CEP128: variants seen among roughly 807,000 people sequenced by gnomAD.
The protein encoded by CEP128 is centrosomal protein 128kDa.
CEP128 carries 132 observed loss-of-function variants against 156.7 expected under a neutral mutation model. The observed-to-expected ratio is 0.84, with a 90% CI of 0.73 to 0.97. The LOEUF is 0.97. Among genes scored for constraint, CEP128 ranks in the 50% least tolerant of loss-of-function variants. CEP128 has a pLI of 0.00. For missense variants in CEP128, 1,252 were observed against 1,281.9 expected (o/e 0.98, Z 0.36); for synonymous variants, 469 against 448.9 (o/e 1.04, Z -0.57).
chr14:80,727,343 G>A (rs1200493553), intron 19 of CEP128, among the ~76,000 whole-genome samples: 1 of 152,020 alleles, frequency 6.6e-6, no homozygotes, highest in Admixed American at 6.6e-5. Context: ...AAGCCTCAGG[G>A]GAAGCTTAGA....
Position 80,678,049 on chromosome 14 carries a change from A to AAAAATATATATATATAT in CEP128, c.2806+65025_2806+65026insATATATATATATATTTT. On this transcript the variant is annotated intron_variant, in intron 19 of 24. Coordinates refer to ENST00000555265, the MANE Select transcript of CEP128 (RefSeq NM_152446.5). Reference sequence around the variant, plus strand: ...ATGGACAGTTGCTCTATAAAAAAAAAATATATATATATATGTATATATATA... The same window carrying AAAAATATATATATATAT: ...ATGGACAGTTGCTCTATAAAAAAAAAAAAATATATATATATATATATATATATATATGTATATATATA... Among the ~76,000 whole-genome samples the AAAAATATATATATATAT allele has an allele frequency of 5.2e-3, 514 of 98,476 alleles. 7 individuals carry two copies. The highest frequency in any genetic ancestry group is 0.015 in the African/African-American group (488 of 31,744). The allele number at this position is 98,476 out of a possible 152,430, so 64.6% of individuals were successfully genotyped here. A position where few individuals can be genotyped will look rare whatever the true frequency, so the allele number is the denominator to read the frequency against.
In CEP128 at chr14:80,916,488, C is replaced by G; in HGVS notation, c.60G>C (p.Trp20Cys). The G allele has an allele frequency of 1.2e-6, 2 of 1,613,948 alleles. No individual in the cohort carries two copies. Among genetic ancestry groups the G allele is most frequent in the Non-Finnish European group, 1.7e-6 (2 of 1,179,894 alleles). Residue 20 changes from tryptophan (W) to cysteine (C), a missense_variant, in exon 3 of 25, where the codon TGG becomes TGC. Transcript: ENST00000555265. ...TTCCCCTGTGCGTTGATCTGGCAGC[C>G]CATGGACTCAATCGGTCACGACAGC... ...HFRCRDRLSP[W>C]AARSTHRGTR...
rs1886184245 is a variant in CEP128 at position 80,838,257 on chromosome 14, A to C, written c.871T>G (p.Ser291Ala). ...KNQLEQELEL[S>A]RRLLNQSEGS... Reference sequence around the variant, plus strand: ...TCTGATTGATTCAATAACCTTCGAGATAGCTCCAATTCCTGTTCAAGCTAG... The same window carrying C: ...TCTGATTGATTCAATAACCTTCGAGCTAGCTCCAATTCCTGTTCAAGCTAG... Residue 291 changes from serine (S) to alanine (A), a missense_variant, in exon 11 of 25, where the codon TCT becomes GCT. Transcript: ENST00000555265. 6.2e-7 allele frequency: 1 copy of C among 1,613,390 alleles called. No homozygotes were observed. The highest frequency in any genetic ancestry group is 1.1e-5 in the South Asian group (1 of 91,074).
chr14:80,950,049 G>T (rs1439692406), intron 2 of CEP128, among the ~76,000 whole-genome samples: 1 of 152,160 alleles, frequency 6.6e-6, no homozygotes, highest in Non-Finnish European at 1.5e-5. Flanking sequence ...GGTTATAATG[G>T]ATTAGCATGG....
intron 13 of CEP128, among the ~76,000 whole-genome samples, chr14:80,794,210 G>A (rs1044276333): frequency 1.3e-5 from 2 of 152,150 alleles, no homozygotes; most frequent in African/African-American, 4.8e-5. Flanking sequence ...CATTTACCAA[G>A]CTCCTTTGGC....
chr14:80,904,173 A>T (rs1029781247), intron 6 of CEP128, among the ~76,000 whole-genome samples: 1 of 152,168 alleles, frequency 6.6e-6, no homozygotes, highest in African/African-American at 2.4e-5. Flanking sequence ...AAAGGGAGAA[A>T]TCCTGTCATT....
chr14:80,542,842 T>C (rs531603593), intron 21 of CEP128, among the ~76,000 whole-genome samples: 38 of 152,306 alleles, frequency 2.5e-4, no homozygotes, highest in African/African-American at 8.9e-4. Flanking sequence ...GGAATGATCA[T>C]TGTTCTGGCT....
At chr14:80,748,103 TG>T (rs1899199683) in intron 18 of CEP128, among the ~76,000 whole-genome samples, 1 of 152,210 alleles carries the variant, frequency 6.6e-6, no homozygotes, top group Non-Finnish European at 1.5e-5. Context: ...TACACCTCTA[TG>T]AATAAACGAG....
intron 21 of CEP128, among the ~76,000 whole-genome samples, chr14:80,548,713 G>A (rs1490481298): frequency 6.6e-6 from 1 of 152,128 alleles, no homozygotes; most frequent in Non-Finnish European, 1.5e-5. Context: ...ATCAACCAAG[G>A]AAGTTAGAAA....
chr14:80,547,730 G>T (rs979633955), intron 21 of CEP128, among the ~76,000 whole-genome samples: 3 of 151,808 alleles, frequency 2.0e-5, no homozygotes, highest in Non-Finnish European at 4.4e-5. Context: ...TGGCAACATA[G>T]AAATTTTGTG....
chr14:80,799,562 C>T (rs12100724), intron 13 of CEP128, among the ~76,000 whole-genome samples: 29 of 152,210 alleles, frequency 1.9e-4, no homozygotes, highest in Admixed American at 1.7e-3. Flanking sequence ...AGCCTATAAA[C>T]GGACATGCAA....
In CEP128 at chr14:80,837,655, G is replaced by T. The variant is rs554748729; in HGVS notation, c.924+549C>A. Among the ~76,000 whole-genome samples the T allele has an allele frequency of 2.0e-5, 3 of 152,332 alleles. No homozygotes were observed. In the East Asian group the frequency reaches 5.8e-4, roughly 29 times the overall value. ...CGCTTGAACCCGGGAGGCTGAGGTTGTGGTGAGCCAAGATTGCGCCACTGC... is the reference window on the plus strand; with the variant it reads ...CGCTTGAACCCGGGAGGCTGAGGTTTTGGTGAGCCAAGATTGCGCCACTGC... On this transcript the variant is annotated intron_variant, in intron 11 of 24. Coordinates refer to ENST00000555265, the MANE Select transcript of CEP128 (RefSeq NM_152446.5).
intron 21 of CEP128, among the ~76,000 whole-genome samples, chr14:80,551,307 A>G (rs1370889684): frequency 6.6e-6 from 1 of 152,218 alleles, no homozygotes; most frequent in Admixed American, 6.5e-5. Context: ...GTTTAACTCA[A>G]CATATACAGA....
intron 9 of CEP128, among the ~76,000 whole-genome samples, chr14:80,855,039 T>G (rs1486318172): frequency 6.6e-6 from 1 of 152,176 alleles, no homozygotes; most frequent in Non-Finnish European, 1.5e-5. Flanking sequence ...GAATAAAAAG[T>G]GTGGCTCAAA....
intron 11 of CEP128, among the ~76,000 whole-genome samples, 157 bp downstream of exon 11, chr14:80,838,047 A>T (rs1886170957): frequency 6.6e-6 from 1 of 152,240 alleles, no homozygotes; most frequent in South Asian, 2.1e-4. Flanking sequence ...TCCCTGAAAG[A>T]ATTTTATCCT....
intron 16 of CEP128, among the ~76,000 whole-genome samples, chr14:80,774,624 T>C (rs577013946): frequency 7.2e-5 from 11 of 152,022 alleles, no homozygotes; most frequent in African/African-American, 2.4e-4. Flanking sequence ...TGTGTGTGTG[T>C]GCGTGTGTGT....
chr14:80,689,008 A>G (rs1896620160), intron 19 of CEP128, among the ~76,000 whole-genome samples: 1 of 152,182 alleles, frequency 6.6e-6, no homozygotes, highest in Admixed American at 6.6e-5. Flanking sequence ...AATCTGCATC[A>G]GGAAACTCTT....
chr14:80,698,730 T>G (rs1267106759), intron 19 of CEP128, among the ~76,000 whole-genome samples: 4 of 152,164 alleles, frequency 2.6e-5, no homozygotes, highest in African/African-American at 9.7e-5. Context: ...TTTCTAAGAT[T>G]AATAGAGATA....
In CEP128 at chr14:80,756,971, C is replaced by T. The variant is rs1254058505; in HGVS notation, c.2554-20G>A. On this transcript the variant is annotated intron_variant, in intron 17 of 24. Coordinates refer to ENST00000555265, the MANE Select transcript of CEP128 (RefSeq NM_152446.5). ...AAAAACCTACAAAAGAGAAAACAGTCGATTAGAAATACATTTTTCTCTGAC... is the reference window on the plus strand; with the variant it reads ...AAAAACCTACAAAAGAGAAAACAGTTGATTAGAAATACATTTTTCTCTGAC... 2 of 1,499,778 alleles carry T rather than the reference C, an allele frequency of 1.3e-6. No individual in the cohort carries two copies. Among genetic ancestry groups the T allele is most frequent in the South Asian group, 1.2e-5 (1 of 86,066 alleles). 92.9% of individuals were successfully genotyped at this position (1,499,778 alleles called of 1,614,324 possible). A position where few individuals can be genotyped will look rare whatever the true frequency, so the allele number is the denominator to read the frequency against.
Sources: gnomAD v4.1 joint callset for allele counts (sites outside exome capture counted in the v4.1 genomes callset) on GRCh38, gnomAD v4.1.1 for gene constraint, MANE v1.5 for transcripts, NCBI Gene and HGNC (gene_info 2026-07-23, HGNC 2026-07-21) for gene names.